The following ST6GAL1 variants were observed in gnomAD, a reference collection of about 807,000 sequenced individuals.
ST6GAL1 encodes the protein ST6 beta-galactoside alpha-2,6-sialyltransferase 1.
A neutral mutation model predicts 38.0 loss-of-function variants in ST6GAL1; 20 were observed. The ratio of observed to expected loss-of-function variants is 0.53; its 90% CI spans 0.37 to 0.77. The LOEUF (loss-of-function observed/expected upper bound fraction) is 0.77, where lower values mean the gene tolerates loss of function less well. ST6GAL1 is among the 30% of genes least tolerant of loss of function. ST6GAL1 has a pLI of 0.00. For missense variants in ST6GAL1, 432 were observed against 496.4 expected (o/e 0.87, Z 1.23); for synonymous variants, 196 against 188.2 (o/e 1.04, Z -0.34).
At chr3:187,013,936 G>A (rs1428447508) in intron 2 of ST6GAL1, among the ~76,000 whole-genome samples, 1 of 152,196 alleles carries the variant, frequency 6.6e-6, no homozygotes, top group Admixed American at 6.5e-5. Context: ...TTTAGCCAAA[G>A]ATAAATACTG....
At chr3:187,013,734 G>A (rs1717029901) in intron 2 of ST6GAL1, among the ~76,000 whole-genome samples, 3 of 152,084 alleles carry the variant, frequency 2.0e-5, no homozygotes, top group Admixed American at 6.5e-5. Context: ...ACAGATGTGC[G>A]CCACCACGCC....
intron 5 of ST6GAL1, chr3:187,051,590 A>G (rs78359390): frequency 0.01 from 4,463 of 442,336 alleles, 186 homozygotes; most frequent in African/African-American, 0.08. Context: ...CCAGGAAAGT[A>G]GAGTTGAGCT....
chr3:187,003,374 C>T (rs1223280135), intron 2 of ST6GAL1, among the ~76,000 whole-genome samples: 1 of 152,200 alleles, frequency 6.6e-6, no homozygotes, highest in East Asian at 1.9e-4. Context: ...TTATCCAAAA[C>T]AACCTCATTG....
chr3:187,010,671 GACTTA>G (rs1716924921), intron 2 of ST6GAL1, among the ~76,000 whole-genome samples: 1 of 152,050 alleles, frequency 6.6e-6, no homozygotes, highest in African/African-American at 2.4e-5. Context: ...CTTCCTCAGG[GACTTA>G]ACTTGTGCAA....
chr3:186,945,298 C>A (rs1431856351), intron 1 of ST6GAL1, among the ~76,000 whole-genome samples: 1 of 149,882 alleles, frequency 6.7e-6, no homozygotes, highest in East Asian at 1.9e-4. Context: ...AGAGCAAGAC[C>A]CTGTCTCTAT....
intron 4 of ST6GAL1, among the ~76,000 whole-genome samples, chr3:187,050,047 T>C (rs1342715822): frequency 2.0e-5 from 3 of 152,216 alleles, no homozygotes; most frequent in Admixed American, 2.0e-4. Flanking sequence ...TTTTCATGAA[T>C]GATGTTTCTG....
At chr3:186,965,811 C>T (rs1388642169) in intron 2 of ST6GAL1, among the ~76,000 whole-genome samples, 2 of 152,212 alleles carry the variant, frequency 1.3e-5, no homozygotes, top group African/African-American at 4.8e-5. Flanking sequence ...TCTGAAGTCC[C>T]AGTGTACTTC....
At chr3:187,034,950 A>G (rs1164330588) in intron 2 of ST6GAL1, among the ~76,000 whole-genome samples, 1 of 152,194 alleles carries the variant, frequency 6.6e-6, no homozygotes. Context: ...AAATAGGAAA[A>G]GAAGTCAAAC....
chr3:187,074,481 C>A, intron 7 of ST6GAL1, 148 bp downstream of exon 7: 1 of 840,954 alleles, frequency 1.2e-6, no homozygotes, highest in Non-Finnish European at 1.7e-6. Flanking sequence ...ATGCCAAGTT[C>A]TATCTAAAAT....
At position 186,994,223 on chromosome 3, in the gene ST6GAL1, A is replaced by G. The variant is rs140257692; in HGVS notation, c.-183+30297A>G. 2.1e-3 allele frequency among the ~76,000 whole-genome samples: 325 copies of G among 152,328 alleles called. 1 individual carries two copies. The highest frequency in any genetic ancestry group is 7.4e-3 in the African/African-American group (308 of 41,566). ...TGCCCACAGTTCTGACAGCCTCTTG[A>G]TCAGCTGAAAGCCCACAAGTGCAGG... On this transcript the variant is annotated intron_variant, in intron 2 of 7. Coordinates refer to ENST00000169298, the MANE Select transcript of ST6GAL1 (RefSeq NM_173216.2).
chr3:186,970,117 C>T (rs542704775), intron 2 of ST6GAL1, among the ~76,000 whole-genome samples: 1 of 152,064 alleles, frequency 6.6e-6, no homozygotes, highest in Admixed American at 6.5e-5. Flanking sequence ...GAGATTGGTA[C>T]AACATGTGTA....
chr3:186,977,025 A>T (rs1315214838), intron 2 of ST6GAL1, among the ~76,000 whole-genome samples: 2 of 152,182 alleles, frequency 1.3e-5, no homozygotes, highest in African/African-American at 4.8e-5. Flanking sequence ...TGTTCTTTAT[A>T]AAGTCTCCTG....
chr3:187,035,304 TATC>T (rs1374949420), intron 2 of ST6GAL1, among the ~76,000 whole-genome samples: 1 of 152,206 alleles, frequency 6.6e-6, no homozygotes, highest in Non-Finnish European at 1.5e-5. Context: ...AAAGAATCAA[TATC>T]ATTAAAACAG....
chr3:187,011,919 T>C (rs1243402090), intron 2 of ST6GAL1, among the ~76,000 whole-genome samples: 1 of 152,160 alleles, frequency 6.6e-6, no homozygotes, highest in Admixed American at 6.5e-5. Flanking sequence ...GAGGACTGGG[T>C]TGAATTTCGG....
intron 1 of ST6GAL1, among the ~76,000 whole-genome samples, chr3:186,946,177 T>C (rs1314483592): frequency 6.6e-6 from 1 of 151,166 alleles, no homozygotes; most frequent in African/African-American, 2.4e-5. Context: ...CTGGGCATGG[T>C]GGCGGGCGCC....
chr3:187,027,742 G>A (rs1487997900), intron 2 of ST6GAL1, among the ~76,000 whole-genome samples: 4 of 152,148 alleles, frequency 2.6e-5, no homozygotes, highest in Non-Finnish European at 5.9e-5. Context: ...TGGGTAGGTG[G>A]AGAGCTGACC....
chr3:186,956,195 C>T (rs1477494171), intron 1 of ST6GAL1, among the ~76,000 whole-genome samples: 4 of 151,962 alleles, frequency 2.6e-5, no homozygotes, highest in African/African-American at 9.7e-5. Context: ...TGAAAAATGT[C>T]GCAAGTGTGA....
intron 4 of ST6GAL1, among the ~76,000 whole-genome samples, chr3:187,048,532 A>C (rs1038313909): frequency 6.6e-5 from 10 of 152,316 alleles, no homozygotes; most frequent in African/African-American, 2.4e-4. Context: ...TCTCTGGCAC[A>C]CAGCTCAGCT....
chr3:187,017,930 A>G (rs79663930), intron 2 of ST6GAL1, among the ~76,000 whole-genome samples: 13,348 of 152,274 alleles, frequency 0.088, 748 homozygotes, highest in African/African-American at 0.16. Flanking sequence ...AGGATTTCAG[A>G]GGAAATCCTT....
Sources: gnomAD v4.1 joint callset for allele counts (sites outside exome capture counted in the v4.1 genomes callset) on GRCh38, gnomAD v4.1.1 for gene constraint, MANE v1.5 for transcripts, NCBI Gene and HGNC (gene_info 2026-07-23, HGNC 2026-07-21) for gene names.